Variants in CFAP54 observed in about 807,000 individuals in gnomAD.
The protein encoded by CFAP54 is cilia and flagella associated protein 54.
In CFAP54, 290 loss-of-function variants were observed where a neutral mutation model predicts 370.4. The ratio of observed to expected loss-of-function variants is 0.78; its 90% confidence interval spans 0.71 to 0.86. The LOEUF is 0.86. Ranked by LOEUF, CFAP54 falls within the 40% of genes least tolerant of loss-of-function variation. CFAP54 has a pLI of 0.00. For synonymous variants in CFAP54, 1,206 were observed against 1,236.5 expected, an observed-to-expected ratio of 0.98 and a Z score of 0.52; for missense variants, 3,399 against 3,528.7, an observed-to-expected ratio of 0.96 and a Z score of 0.93.
chr12:96,705,680 G>A (rs1957539204), intron 47 of CFAP54, among the ~76,000 whole-genome samples: 2 of 152,094 alleles, frequency 1.3e-5, no homozygotes, highest in Non-Finnish European at 2.9e-5. Flanking sequence ...CAGTATAATG[G>A]AAACTCAGTT....
intron 1 of CFAP54, among the ~76,000 whole-genome samples, chr12:96,490,585 A>G (rs575750056): frequency 1.4e-3 from 206 of 152,274 alleles, no homozygotes; most frequent in African/African-American, 4.5e-3. Context: ...CCAGCTACTC[A>G]GGAGGCTGAG....
chr12:96,626,709 A>G (rs767669269), intron 29 of CFAP54, 104 bp from the exon 30 acceptor site: 10 of 548,176 alleles, frequency 1.8e-5, no homozygotes, highest in Non-Finnish European at 2.6e-5. Flanking sequence ...AAGCAGATTA[A>G]TAAACTTGCC....
chr12:96,708,506 C>G, intron 47 of CFAP54, 102 bp from the exon 48 acceptor site: 1 of 948,398 alleles, frequency 1.1e-6, no homozygotes, highest in Non-Finnish European at 1.6e-6. Context: ...AGCCCTATAT[C>G]CCTTCATCCA....
Position 96,551,485 on chromosome 12 carries a change from ATGTGTG to A in CFAP54, c.2155-2663_2155-2658del, listed in dbSNP as rs10582056. On this transcript the variant is annotated intron_variant, in intron 15 of 67. Transcript: ENST00000524981. ...CTGAGCCTGCGATTCTTGAATGGGT[ATGTGTG>A]TGTGTGTGTGTGTGTGTGTGTGTGT... Among the ~76,000 whole-genome samples the A allele has an allele frequency of 8.1e-3, 1,167 of 143,856 alleles. 33 individuals are homozygous for A. The highest frequency in any genetic ancestry group is 0.057 in the East Asian group (278 of 4,882). 94.4% of individuals were successfully genotyped at this position (143,856 alleles called of 152,430 possible). A position where few individuals can be genotyped will look rare whatever the true frequency, so the allele number is the denominator to read the frequency against.
At chr12:96,494,788 G>T (rs761941055) in intron 1 of CFAP54, among the ~76,000 whole-genome samples, 1 of 151,614 alleles carries the variant, frequency 6.6e-6, no homozygotes, top group Non-Finnish European at 1.5e-5. Flanking sequence ...GTGCAATGAC[G>T]CAATCTCGGC....
intron 19 of CFAP54, among the ~76,000 whole-genome samples, chr12:96,566,381 A>G (rs1592854116): frequency 6.6e-6 from 1 of 152,224 alleles, no homozygotes; most frequent in Non-Finnish European, 1.5e-5. Flanking sequence ...GTTGGAGACC[A>G]AGAATTTTTA....
At chr12:96,698,907 G>A (rs574265665) in intron 45 of CFAP54, among the ~76,000 whole-genome samples, 3 of 152,208 alleles carry the variant, frequency 2.0e-5, no homozygotes, top group Admixed American at 6.5e-5. Context: ...TGTGAGCAGC[G>A]GCTCAAGGGT....
In CFAP54 at chr12:96,726,129, A is replaced by AAAATTCTC. The variant is rs1225298045; in HGVS notation, c.6965+5565_6965+5572dup. Among the ~76,000 whole-genome samples, 4 of 150,516 alleles carry AAAATTCTC rather than the reference A, an allele frequency of 2.7e-5. No individual in the cohort carries two copies. In the Admixed American group the frequency reaches 2.7e-4, roughly 10 times the overall value. ...CAATGTTCATCAGGGATATTGGTCT[A>AAAATTCTC]AAATTCTCTTTTTTGGTTGTGTCTC... On this transcript the variant is annotated intron_variant, in intron 50 of 67. Transcript: ENST00000524981.
intron 14 of CFAP54, among the ~76,000 whole-genome samples, chr12:96,547,113 A>G (rs1234394755): frequency 3.3e-5 from 5 of 152,200 alleles, no homozygotes; most frequent in Admixed American, 6.5e-5. Context: ...CACCTAAAAC[A>G]TAAAGTACAA....
intron 32 of CFAP54, among the ~76,000 whole-genome samples, chr12:96,643,074 C>G (rs1565925637): frequency 6.6e-6 from 1 of 152,130 alleles, no homozygotes; most frequent in Non-Finnish European, 1.5e-5. Flanking sequence ...GAGAATTGAT[C>G]TACTCACATG....
intron 36 of CFAP54, among the ~76,000 whole-genome samples, chr12:96,657,179 A>G (rs1289158098): frequency 2.0e-5 from 3 of 152,214 alleles, no homozygotes; most frequent in African/African-American, 7.2e-5. Context: ...TGGCCCTTAT[A>G]TGGATCTAAG....
rs200401080 is a variant in CFAP54 at position 96,790,339 on chromosome 12, C to CAA, written c.8680-1979_8680-1978dup. ...CTGTTGTTTTATTTCTTTCAAAGAA[C>CAA]AAAAAAAAAAAATAGAATAAAAGTA... On this transcript the variant is annotated intron_variant, in intron 62 of 67. Transcript: ENST00000524981. Among the ~76,000 whole-genome samples, 74 of 124,958 alleles carry CAA rather than the reference C, an allele frequency of 5.9e-4. 1 individual carries two copies. The highest frequency in any genetic ancestry group is 2.4e-3 in the Admixed American group (31 of 12,816). The allele number at this position is 124,958 out of a possible 152,430, so 82.0% of individuals were successfully genotyped here. A position where few individuals can be genotyped will look rare whatever the true frequency, so the allele number is the denominator to read the frequency against.
chr12:96,560,408 T>C (rs1373364337), intron 17 of CFAP54, among the ~76,000 whole-genome samples: 2 of 152,220 alleles, frequency 1.3e-5, no homozygotes, highest in Non-Finnish European at 2.9e-5. Context: ...ATTGCCATAA[T>C]TGTTCCCAAA....
chr12:96,871,259 T>C (rs1960156940), intron 67 of CFAP54, among the ~76,000 whole-genome samples: 1 of 152,130 alleles, frequency 6.6e-6, no homozygotes, highest in South Asian at 2.1e-4. Flanking sequence ...GAGAGACAAA[T>C]TTTGTAATTC....
intron 66 of CFAP54, among the ~76,000 whole-genome samples, chr12:96,833,586 A>T (rs1164295252): frequency 6.6e-6 from 1 of 150,662 alleles, no homozygotes; most frequent in Non-Finnish European, 1.5e-5. Context: ...TATGGAGAGG[A>T]GGTTCCTAGG....
intron 66 of CFAP54, among the ~76,000 whole-genome samples, chr12:96,853,953 T>G (rs924772063): frequency 6.6e-6 from 1 of 151,870 alleles, no homozygotes; most frequent in Non-Finnish European, 1.5e-5. Context: ...AGTATATAAA[T>G]TATGTCGTGA....
At chr12:96,711,838 A>G (rs1957618984) in intron 48 of CFAP54, among the ~76,000 whole-genome samples, 1 of 152,160 alleles carries the variant, frequency 6.6e-6, no homozygotes, top group Non-Finnish European at 1.5e-5. Context: ...ATCTGTATTT[A>G]TGTTTGTAGC....
At chr12:96,685,914 T>C (rs997470646) in intron 42 of CFAP54, among the ~76,000 whole-genome samples, 4 of 152,218 alleles carry the variant, frequency 2.6e-5, no homozygotes, top group Admixed American at 6.5e-5. Context: ...GAAAACAGTG[T>C]GGAGGCAGTC....
At chr12:96,682,304 G>C (rs556157964) in intron 40 of CFAP54, 65 of 985,628 alleles carry the variant, frequency 6.6e-5, no homozygotes, top group Non-Finnish European at 7.7e-5. Flanking sequence ...TCACAACTTG[G>C]ACTTGTAATT....
Sources: allele counts gnomAD v4.1 joint callset (sites outside exome capture counted in the v4.1 genomes callset), GRCh38; gene constraint gnomAD v4.1.1; transcripts MANE v1.5; gene names NCBI Gene and HGNC (gene_info 2026-07-23, HGNC 2026-07-21).